KIAA1217: variants seen among roughly 807,000 people sequenced by gnomAD.
KIAA1217 encodes sickle tail protein homolog.
A neutral mutation model predicts 163.9 loss-of-function variants in KIAA1217; 88 were observed. The ratio of observed to expected loss-of-function variants is 0.54; its 90% CI spans 0.45 to 0.64. KIAA1217 has a LOEUF of 0.64. Ranked by LOEUF, KIAA1217 falls within the 30% of genes least tolerant of loss-of-function variation. The probability of loss-of-function intolerance (pLI) is 0.00; values close to 1 mark genes in which losing one functional copy is unlikely to be tolerated. For synonymous variants in KIAA1217, 903 were observed against 923.1 expected (o/e 0.98, Z 0.39); for missense variants, 2,372 against 2,475.0 (o/e 0.96, Z 0.88).
chr10:24,286,114 A>C (rs2078517069), intron 2 of KIAA1217, among the ~76,000 whole-genome samples: 1 of 152,102 alleles, frequency 6.6e-6, no homozygotes, highest in African/African-American at 2.4e-5. Context: ...CCTTTTGGCA[A>C]AGTCTAGGTT....
chr10:23,856,371 A>G (rs916008606), intron 1 of KIAA1217, among the ~76,000 whole-genome samples: 2 of 152,158 alleles, frequency 1.3e-5, no homozygotes, highest in Non-Finnish European at 2.9e-5. Flanking sequence ...TTCCTCTGGA[A>G]GTTTTGTCTC....
chr10:23,799,082 T>A (rs1211072011), intron 1 of KIAA1217, among the ~76,000 whole-genome samples: 5 of 152,178 alleles, frequency 3.3e-5, no homozygotes, highest in African/African-American at 1.2e-4. Context: ...TTCCTTGGCT[T>A]GTACATGCAT....
chr10:24,302,737 A>G (rs1044253420), intron 2 of KIAA1217, among the ~76,000 whole-genome samples: 18 of 152,294 alleles, frequency 1.2e-4, no homozygotes, highest in African/African-American at 3.8e-4. Flanking sequence ...CTTAAAGAGA[A>G]GGCCTTCTGG....
chr10:23,842,449 T>C (rs1004953483), intron 1 of KIAA1217, among the ~76,000 whole-genome samples: 1 of 152,170 alleles, frequency 6.6e-6, no homozygotes, highest in African/African-American at 2.4e-5. Context: ...GGTGGTGATA[T>C]GGAGCGAGTG....
At position 23,695,395 on chromosome 10, in the gene KIAA1217, A is replaced by G. The variant is rs1835961115; in HGVS notation, c.-321+161A>G. Among the ~76,000 whole-genome samples, 1 of 152,086 alleles carries G rather than the reference A, an allele frequency of 6.6e-6. No individual in the cohort carries two copies. Among genetic ancestry groups the G allele is most frequent in the Non-Finnish European group, 1.5e-5 (1 of 67,982 alleles). ...TTCGAGAGAGGGCAAGGACCCCCCC[A>G]GGAGGGCCAGGCCGGGAGGGGTCCC... is the stretch of plus-strand genomic sequence containing the variant. On this transcript the variant is annotated intron_variant, in intron 1 of 18. Coordinates refer to the KIAA1217 transcript ENST00000376462. The surrounding 1 kb of genome is among the most constrained non-coding windows in gnomAD (Gnocchi z 4.9).
chr10:24,132,952 C>T (rs191813360), intron 2 of KIAA1217, among the ~76,000 whole-genome samples: 5 of 152,110 alleles, frequency 3.3e-5, no homozygotes, highest in Non-Finnish European at 1.5e-5. Context: ...GGAAGTTACA[C>T]CCTAACTGGC....
At chr10:23,790,524 C>CATATGTGCATATGT (rs1354470769) in intron 1 of KIAA1217, among the ~76,000 whole-genome samples, 22 of 104,142 alleles carry the variant, frequency 2.1e-4, no homozygotes, top group African/African-American at 1.1e-3. Context: ...TGTATATATA[C>CATATGTGCATATGT]ATATATACAT....
intron 7 of KIAA1217, among the ~76,000 whole-genome samples, 189 bp downstream of exon 7, chr10:24,494,793 T>C (rs551546013): frequency 7.2e-5 from 11 of 152,272 alleles, no homozygotes; most frequent in African/African-American, 2.4e-4. Context: ...TTCCTCCTTC[T>C]GGTAATTCTT....
chr10:24,049,090 A>G (rs1198435576), intron 2 of KIAA1217, among the ~76,000 whole-genome samples: 1 of 151,808 alleles, frequency 6.6e-6, no homozygotes. Context: ...AGTAATAAAT[A>G]TAAGTAATTC....
chr10:24,022,836 A>T (rs989683006), intron 2 of KIAA1217, among the ~76,000 whole-genome samples: 7 of 151,690 alleles, frequency 4.6e-5, no homozygotes, highest in Admixed American at 3.3e-4. Flanking sequence ...ATCCCAAAAG[A>T]TTCAAAAATA....
intron 2 of KIAA1217, among the ~76,000 whole-genome samples, chr10:24,118,083 C>T (rs1176061596): frequency 1.3e-5 from 2 of 151,196 alleles, no homozygotes; most frequent in Admixed American, 6.6e-5. Context: ...CATCTGTGTA[C>T]CAAACCCTGA....
intron 1 of KIAA1217, 105 bp from the exon 2 acceptor site, chr10:24,219,521 T>C: frequency 2.3e-6 from 2 of 857,276 alleles, no homozygotes; most frequent in Non-Finnish European, 3.4e-6. Context: ...ATTTGCGAAG[T>C]TAACATTCAT....
At chr10:24,194,299 C>T (rs1162304538) in intron 2 of KIAA1217, among the ~76,000 whole-genome samples, 1 of 113,236 alleles carries the variant, frequency 8.8e-6, no homozygotes, top group African/African-American at 3.3e-5. Flanking sequence ...CTCCCCTCCT[C>T]TCCCCTCCCC....
At position 24,501,560 on chromosome 10, in the gene KIAA1217, C is replaced by T. The variant is rs1293880040; in HGVS notation, c.2001+15C>T. On this transcript the variant is annotated intron_variant, in intron 9 of 20. Transcript: ENST00000376454. The stretch of plus-strand genomic sequence containing the variant: ...GGCAGCTCCAGGTATTCCTCATGCA[C>T]GGCGGCCTCTGTCTCGGTTGCCCTG... 3.7e-6 allele frequency: 6 copies of T among 1,607,960 alleles called. No homozygotes were observed. Among genetic ancestry groups the T allele is most frequent in the South Asian group, 3.3e-5 (3 of 90,778 alleles).
At chr10:23,767,867 G>T (rs140751836) in intron 1 of KIAA1217, among the ~76,000 whole-genome samples, 10 of 152,166 alleles carry the variant, frequency 6.6e-5, no homozygotes, top group African/African-American at 9.7e-5. Flanking sequence ...AACCCAGAGC[G>T]TAGGGTGTAA....
At position 24,545,080 on chromosome 10, in the gene KIAA1217, C is replaced by T. The variant is rs1174811415; in HGVS notation, c.5311C>T (p.Gln1771Ter). 6.2e-7 allele frequency: 1 copy of T among 1,613,970 alleles called. No individual in the cohort carries two copies. Among genetic ancestry groups the T allele is most frequent in the Non-Finnish European group, 8.5e-7 (1 of 1,179,986 alleles). The change falls in exon 20 of 21, where the codon CAG (glutamine) becomes TAG (stop). Residue 1771 changes from glutamine (Q) to a stop codon, truncating the protein, a stop_gained. Transcript: ENST00000376454. LOFTEE classifies it high-confidence loss of function. ...LDKPGKQSKLQDPRQYRQANG... is the reference protein window; with the variant it reads ...LDKPGKQSKL ...CAAACCCGGCAAGCAGTCCAAACTG[C>T]AGGATCCCCGCCAATATCGTCAGGT...
chr10:23,837,257 G>C (rs1166936356), intron 1 of KIAA1217, among the ~76,000 whole-genome samples: 1 of 152,066 alleles, frequency 6.6e-6, no homozygotes, highest in Non-Finnish European at 1.5e-5. Flanking sequence ...CACCCATTCT[G>C]TGGCACTTTC....
chr10:23,705,424 T>G (rs1353521140), intron 1 of KIAA1217, among the ~76,000 whole-genome samples: 2 of 152,162 alleles, frequency 1.3e-5, no homozygotes, highest in African/African-American at 4.8e-5. Context: ...AGTAAAGATT[T>G]TTGTATATGG....
chr10:24,113,730 C>G (rs1423425777), intron 2 of KIAA1217, among the ~76,000 whole-genome samples: 1 of 152,198 alleles, frequency 6.6e-6, no homozygotes, highest in Admixed American at 6.5e-5. Context: ...TGTATCTCAC[C>G]ACCTGATGCA....
Sources: gnomAD v4.1 joint callset for allele counts (sites outside exome capture counted in the v4.1 genomes callset) on GRCh38, gnomAD v4.1.1 for gene constraint, Gnocchi (gnomAD v3.1) non-coding constraint, MANE v1.5 for transcripts, NCBI Gene and HGNC (gene_info 2026-07-23, HGNC 2026-07-21) for gene names.